The following RBBP8 variants were observed in gnomAD, a reference collection of about 807,000 sequenced individuals.
RBBP8 encodes DNA endonuclease RBBP8.
RBBP8 carries 88 observed loss-of-function variants against 108.3 expected under a neutral mutation model. That is an observed-to-expected ratio of 0.81 (90% CI 0.68 to 0.97). The LOEUF (loss-of-function observed/expected upper bound fraction) is 0.97, where lower values mean the gene tolerates loss of function less well. Among genes scored for constraint, RBBP8 ranks in the 50% least tolerant of loss-of-function variants. RBBP8 has a pLI of 0.00. For synonymous variants in RBBP8, 332 were observed against 348.2 expected, an observed-to-expected ratio of 0.95 and a Z score of 0.52; for missense variants, 1,023 against 1,049.0, an observed-to-expected ratio of 0.98 and a Z score of 0.34.
chr18:22,950,889 A>G (rs775045315), intron 4 of RBBP8, among the ~76,000 whole-genome samples: 2 of 152,174 alleles, frequency 1.3e-5, no homozygotes, highest in Non-Finnish European at 2.9e-5. Flanking sequence ...GTGTAACAGA[A>G]CAAGACCCTG....
chr18:22,972,862 AG>A (rs1914218884), intron 5 of RBBP8, among the ~76,000 whole-genome samples: 1 of 152,180 alleles, frequency 6.6e-6, no homozygotes, highest in South Asian at 2.1e-4. Context: ...AATTAGCCCA[AG>A]GGAGAATCCT....
At chr18:22,960,144 C>T (rs1232517727) in intron 4 of RBBP8, among the ~76,000 whole-genome samples, 3 of 152,218 alleles carry the variant, frequency 2.0e-5, no homozygotes, top group East Asian at 1.9e-4. Flanking sequence ...CCGCCCACCT[C>T]GGCCTCCCAA....
chr18:22,995,939 A>G (rs1469325001), intron 12 of RBBP8, among the ~76,000 whole-genome samples: 2 of 152,230 alleles, frequency 1.3e-5, no homozygotes, highest in African/African-American at 2.4e-5. Context: ...TGCCAATTCT[A>G]CATTTTACCT....
At chr18:23,003,854 C>T (rs1184470486) in intron 15 of RBBP8, among the ~76,000 whole-genome samples, 1 of 151,824 alleles carries the variant, frequency 6.6e-6, no homozygotes, top group African/African-American at 2.4e-5. Context: ...GTCAGGAGAT[C>T]GAGACCATCC....
intron 4 of RBBP8, among the ~76,000 whole-genome samples, chr18:22,968,386 A>G (rs1335292210): frequency 2.0e-5 from 3 of 152,142 alleles, no homozygotes; most frequent in Non-Finnish European, 4.4e-5. Context: ...TTGGCAAATA[A>G]ATTTTGATGA....
chr18:23,009,350 C>T (rs906084819), intron 16 of RBBP8, among the ~76,000 whole-genome samples: 9 of 151,152 alleles, frequency 6.0e-5, no homozygotes, highest in African/African-American at 2.2e-4. Flanking sequence ...AAAATATATT[C>T]TATTAGAAAT....
chr18:22,917,499 G>A (rs1408160890), intron 3 of RBBP8, among the ~76,000 whole-genome samples: 1 of 152,148 alleles, frequency 6.6e-6, no homozygotes, highest in Non-Finnish European at 1.5e-5. Context: ...ACTTCACATA[G>A]TTCCTAGAAC....
chr18:22,950,636 G>C (rs1199637262), intron 4 of RBBP8, among the ~76,000 whole-genome samples: 2 of 151,866 alleles, frequency 1.3e-5, no homozygotes, highest in Admixed American at 1.3e-4. Context: ...TATTTTTCCA[G>C]GGTAGGCATA....
intron 4 of RBBP8, among the ~76,000 whole-genome samples, chr18:22,965,204 C>A (rs1422956849): frequency 1.3e-5 from 2 of 151,594 alleles, no homozygotes; most frequent in Non-Finnish European, 1.5e-5. Flanking sequence ...TTTTTTATTT[C>A]TTTTTTTAAT....
intron 17 of RBBP8, among the ~76,000 whole-genome samples, chr18:23,019,686 C>T (rs1323329683): frequency 6.6e-6 from 1 of 152,044 alleles, no homozygotes; most frequent in East Asian, 1.9e-4. Context: ...ATTGATTCTT[C>T]CTTCAAAATA....
At chr18:22,918,427 T>C (rs1278700401) in intron 3 of RBBP8, among the ~76,000 whole-genome samples, 1 of 152,226 alleles carries the variant, frequency 6.6e-6, no homozygotes, top group Non-Finnish European at 1.5e-5. Context: ...TACTGAATAC[T>C]GTAAGCAACT....
intron 2 of RBBP8, among the ~76,000 whole-genome samples, chr18:22,946,102 C>G (rs1237037411): frequency 6.6e-6 from 1 of 152,194 alleles, no homozygotes; most frequent in African/African-American, 2.4e-5. Flanking sequence ...AGATTTGTGC[C>G]TACATAAACA....
At chr18:23,004,110 G>A (rs913223931) in intron 15 of RBBP8, among the ~76,000 whole-genome samples, 7 of 146,182 alleles carry the variant, frequency 4.8e-5, no homozygotes, top group Admixed American at 2.1e-4. Flanking sequence ...CATAGATCCA[G>A]CAGTCCCACT....
At chr18:23,017,632 C>T (rs1162136313) in intron 17 of RBBP8, among the ~76,000 whole-genome samples, 3 of 145,430 alleles carry the variant, frequency 2.1e-5, no homozygotes, top group Non-Finnish European at 4.5e-5. Flanking sequence ...CCAGCCTGGG[C>T]GAGAGAGCGA....
intron 16 of RBBP8, among the ~76,000 whole-genome samples, chr18:23,007,128 C>A (rs2046066545): frequency 6.7e-6 from 1 of 149,398 alleles, no homozygotes; most frequent in African/African-American, 2.5e-5. Flanking sequence ...TCAAGTTATT[C>A]TCCTGCCCCC....
intron 5 of RBBP8, among the ~76,000 whole-genome samples, chr18:22,972,348 C>T (rs1914162341): frequency 7.5e-6 from 1 of 134,228 alleles, no homozygotes; most frequent in African/African-American, 3.1e-5. Flanking sequence ...AGCGAGACTC[C>T]CTCTCAAAAA....
At chr18:22,958,842 A>G (rs140436028) in intron 4 of RBBP8, among the ~76,000 whole-genome samples, 1 of 152,316 alleles carries the variant, frequency 6.6e-6, no homozygotes, top group African/African-American at 2.4e-5. Flanking sequence ...GTGCTCAGCC[A>G]GTTCTTTTTC....
chr18:23,022,651 T>TAAAATAAAAAAATAA (rs370599195), intron 18 of RBBP8, among the ~76,000 whole-genome samples: 1 of 84,372 alleles, frequency 1.2e-5, no homozygotes, highest in Non-Finnish European at 2.3e-5. Context: ...TAAAATACAA[T>TAAAATAAAAAAATAA]ATAAAATAAA....
chr18:23,008,377 G>A (rs569295076), intron 16 of RBBP8, among the ~76,000 whole-genome samples: 85 of 152,182 alleles, frequency 5.6e-4, no homozygotes, highest in African/African-American at 1.9e-3. Context: ...TTAAAGAGCT[G>A]TCATTTTGTT....
Sources: allele counts gnomAD v4.1 joint callset (sites outside exome capture counted in the v4.1 genomes callset), GRCh38; gene constraint gnomAD v4.1.1; transcripts MANE v1.5; gene names NCBI Gene and HGNC (gene_info 2026-07-23, HGNC 2026-07-21).